PHEX: variants seen among roughly 807,000 people sequenced by gnomAD.
PHEX encodes phosphate-regulating neutral endopeptidase PHEX.
In PHEX, 16 loss-of-function variants were observed where a neutral mutation model predicts 68.0. That is an observed-to-expected ratio of 0.24 (90% CI 0.16 to 0.36). The LOEUF (loss-of-function observed/expected upper bound fraction) is 0.36. Among genes scored for constraint, PHEX ranks in the 10% least tolerant of loss-of-function variants. The pLI, the probability that PHEX is intolerant of heterozygous loss-of-function variation, is 1.00. For missense variants in PHEX, 480 were observed against 575.5 expected, an observed-to-expected ratio of 0.83 and a Z score of 1.70; for synonymous variants, 208 against 205.1, an observed-to-expected ratio of 1.01 and a Z score of -0.12.
chrX:22,153,016 G>C (rs1335667658), intron 12 of PHEX, among the ~76,000 whole-genome samples: 1 of 107,174 alleles, frequency 9.3e-6, no homozygotes, highest in Non-Finnish European at 1.9e-5. Context: ...TTTTGAGACA[G>C]GGTCTTGCTC....
chrX:22,041,423 A>C (rs1181431840), intron 2 of PHEX, among the ~76,000 whole-genome samples: 1 of 108,528 alleles, frequency 9.2e-6, no homozygotes, highest in East Asian at 2.9e-4. Context: ...AGGCTTCTGG[A>C]GGCTAAATAA....
intron 16 of PHEX, among the ~76,000 whole-genome samples, chrX:22,215,397 C>T (rs1184937498): frequency 1.8e-5 from 2 of 111,348 alleles, no homozygotes; most frequent in African/African-American, 3.3e-5. Context: ...TGGATAGCCT[C>T]CAGAATCAAG....
chrX:22,249,936 G>T lies in PHEX; in HGVS notation c.*1983G>T, dbSNP rs1936523607. 9.0e-6 allele frequency: 1 copy of T among 111,480 alleles called. No individual in the cohort carries two copies. Among genetic ancestry groups the T allele is most frequent in the African/African-American group, 3.3e-5 (1 of 30,592 alleles). 9.2% of individuals were successfully genotyped at this position (111,480 alleles called of 1,213,427 possible). ...AGAGAAAGTGTTTGATAAAAGCATA[G>T]AATTATGGCTTTGGAAAGACAAACT... On this transcript the variant is annotated 3_prime_UTR_variant, in exon 22 of 22. Transcript: ENST00000379374.
At chrX:22,053,733 A>G (rs1186361905) in intron 3 of PHEX, among the ~76,000 whole-genome samples, 5 of 111,987 alleles carry the variant, frequency 4.5e-5, no homozygotes, top group Admixed American at 1.9e-4. Context: ...GATCATCTCT[A>G]TTACGGAATA....
At chrX:22,211,155 G>C (rs755312480) in intron 15 of PHEX, among the ~76,000 whole-genome samples, 1 of 111,672 alleles carries the variant, frequency 9.0e-6, no homozygotes, top group Non-Finnish European at 1.9e-5. Context: ...AAAATTTAGT[G>C]GTGAGTTGCA....
rs1407900498 is a variant in PHEX, at chrX:22,094,073, C to T, written c.823C>T (p.Leu275Phe). 1 of 1,174,941 alleles carries T rather than the reference C, an allele frequency of 8.5e-7. No individual in the cohort carries two copies. Among genetic ancestry groups the T allele is most frequent in the Admixed American group, 2.2e-5 (1 of 45,897 alleles). Reference sequence around the variant, plus strand: ...AGCAGAGCATGACATGAAGTCAGTGCTCAGATTGGAAATTAAGATAGCTGA... The same window carrying T: ...AGCAGAGCATGACATGAAGTCAGTGTTCAGATTGGAAATTAAGATAGCTGA... The part of the protein sequence containing the change: ...SRAEHDMKSV[L>F]RLEIKIAEIM... The change falls in exon 7 of 22, where the codon CTC (leucine) becomes TTC (phenylalanine). Residue 275 changes from leucine to phenylalanine, a missense_variant. Leu to Phe is a conservative substitution (Grantham distance 22). Transcript: ENST00000379374.
intron 1 of PHEX, among the ~76,000 whole-genome samples, chrX:22,033,562 T>C (rs752070658): frequency 1.8e-5 from 2 of 112,648 alleles, no homozygotes; most frequent in South Asian, 7.3e-4. Flanking sequence ...AATCATGAAA[T>C]TTAATTCACA....
intron 9 of PHEX, among the ~76,000 whole-genome samples, chrX:22,104,687 A>C (rs938808942): frequency 3.6e-5 from 4 of 111,400 alleles, no homozygotes; most frequent in Admixed American, 2.9e-4. Flanking sequence ...TGTCCCCCTC[A>C]ATTCTCCTCC....
intron 20 of PHEX, among the ~76,000 whole-genome samples, chrX:22,237,053 A>G (rs1009703039): frequency 8.9e-6 from 1 of 112,361 alleles, no homozygotes; most frequent in African/African-American, 3.2e-5. Context: ...GACAGAATGA[A>G]GAGATTTTTC....
intron 12 of PHEX, among the ~76,000 whole-genome samples, chrX:22,159,231 C>T (rs1933038641): frequency 8.8e-6 from 1 of 113,680 alleles, no homozygotes; most frequent in African/African-American, 3.2e-5. Flanking sequence ...CAGCGAATAA[C>T]CTAGCTTTAT....
intron 14 of PHEX, among the ~76,000 whole-genome samples, chrX:22,184,438 A>G (rs1161585071): frequency 9.0e-6 from 1 of 111,401 alleles, no homozygotes; most frequent in Non-Finnish European, 1.9e-5. Context: ...ATTTTCACAA[A>G]GCCCTGAAAT....
chrX:22,184,378 T>C (rs1933967010), intron 14 of PHEX, among the ~76,000 whole-genome samples: 1 of 111,148 alleles, frequency 9.0e-6, no homozygotes, highest in Admixed American at 9.6e-5. Context: ...TGGGGATCAT[T>C]CTGGAGTAGC....
At chrX:22,147,823 G>A (rs1415196884) in intron 12 of PHEX, among the ~76,000 whole-genome samples, 3 of 111,054 alleles carry the variant, frequency 2.7e-5, no homozygotes, top group Non-Finnish European at 3.8e-5. Context: ...GCCATCATTT[G>A]TGGTGGTTCA....
chrX:22,067,369 A>T (rs928906056), intron 3 of PHEX, among the ~76,000 whole-genome samples: 1 of 111,359 alleles, frequency 9.0e-6, no homozygotes, highest in Non-Finnish European at 1.9e-5. Flanking sequence ...TCAAACCCCT[A>T]TTGCATTTTA....
At chrX:22,141,103 C>T (rs182227399) in intron 12 of PHEX, among the ~76,000 whole-genome samples, 18 of 110,679 alleles carry the variant, frequency 1.6e-4, no homozygotes, top group Admixed American at 1.3e-3. Context: ...CCAGAAGCAT[C>T]GCCATCACTC....
chrX:22,138,377 G>A (rs1932319805), intron 12 of PHEX, among the ~76,000 whole-genome samples: 2 of 112,634 alleles, frequency 1.8e-5, no homozygotes, highest in African/African-American at 6.4e-5. Flanking sequence ...CCTTTTCTGC[G>A]GGGGCCTTCA....
intron 14 of PHEX, 70 bp downstream of exon 14, chrX:22,178,446 C>CT: frequency 1.6e-6 from 1 of 632,991 alleles, no homozygotes; most frequent in Non-Finnish European, 2.5e-6. Context: ...TTAGATTAAA[C>CT]TTTGTAATTC....
At chrX:22,099,430 C>A in intron 9 of PHEX, 1 of 284,481 alleles carries the variant, frequency 3.5e-6, no homozygotes, top group Non-Finnish European at 6.1e-6. Context: ...GGGAGCTAGT[C>A]ATATAATGAT....
intron 20 of PHEX, among the ~76,000 whole-genome samples, chrX:22,238,865 G>T (rs767955216): frequency 8.9e-6 from 1 of 112,027 alleles, no homozygotes; most frequent in African/African-American, 3.2e-5. Flanking sequence ...CAGCACAGCG[G>T]TCGAGCTCTG....
Sources: gnomAD v4.1 joint callset for allele counts (sites outside exome capture counted in the v4.1 genomes callset) on GRCh38, gnomAD v4.1.1 for gene constraint, MANE v1.5 for transcripts, NCBI Gene and HGNC (gene_info 2026-07-23, HGNC 2026-07-21) for gene names.